HERC6: variants seen among roughly 807,000 people sequenced by gnomAD.
The protein encoded by HERC6 is probable E3 ubiquitin-protein ligase HERC6.
A neutral mutation model predicts 114.5 loss-of-function variants in HERC6; 101 were observed. The observed-to-expected ratio is 0.88, with a 90% CI of 0.75 to 1.04. HERC6 has a LOEUF of 1.04. Among genes scored for constraint, HERC6 ranks in the 50% least tolerant of loss-of-function variants. The pLI, the probability that HERC6 is intolerant of heterozygous loss-of-function variation, is 0.00. For missense variants in HERC6, 1,133 were observed against 1,230.9 expected (o/e 0.92, Z 1.19); for synonymous variants, 408 against 436.2 (o/e 0.94, Z 0.81).
intron 17 of HERC6, among the ~76,000 whole-genome samples, chr4:88,434,255 G>A (rs1311078427): frequency 6.6e-6 from 1 of 152,214 alleles, no homozygotes; most frequent in Non-Finnish European, 1.5e-5. Flanking sequence ...GTGTCATTTA[G>A]CCTCTCTGAG....
chr4:88,390,667 C>G lies in HERC6; in HGVS notation c.452C>G (p.Ser151Trp), dbSNP rs1434554720. 3 of 1,602,166 alleles carry G rather than the reference C, an allele frequency of 1.9e-6. No homozygotes were observed. The South Asian group carries it at 3.3e-5, about 18-fold the overall frequency. ...LALSKDSQVF[S>W]WGKNSHGQLG... ...TTTGTTGTAGATAGCCAAGTGTTTT[C>G]GTGGGGAAAGAACAGCCATGGGCAG... is the stretch of plus-strand genomic sequence containing the variant. Residue 151 changes from serine to tryptophan, a missense_variant, in exon 4 of 23, where the codon TCG becomes TGG. Physicochemically the swap from Ser to Trp is radical, Grantham distance 177. Around this residue, in one of 3 missense-constraint regions of HERC6, gnomAD observed 735 missense variants for 754.0 expected, o/e 0.97. Coordinates refer to ENST00000264346, the MANE Select transcript of HERC6 (RefSeq NM_017912.4).
chr4:88,440,062 G>T lies in HERC6; in HGVS notation c.2739+5G>T. 1 of 1,609,530 alleles carries T rather than the reference G, an allele frequency of 6.2e-7. No homozygotes were observed. The highest frequency in any genetic ancestry group is 8.5e-7 in the Non-Finnish European group (1 of 1,178,320). On this transcript the variant is annotated splice_donor_5th_base_variant and intron_variant, in intron 21 of 22. Coordinates refer to ENST00000264346, the MANE Select transcript of HERC6 (RefSeq NM_017912.4). Reference sequence around the variant, plus strand: ...GACTGGAAACAGTTTGAACAGGTAGGTGATACCTAAAGTGCCCCAATTTTT... The same window carrying T: ...GACTGGAAACAGTTTGAACAGGTAGTTGATACCTAAAGTGCCCCAATTTTT...
chr4:88,390,925 A>C, intron 4 of HERC6, 46 bp downstream of exon 4: 1 of 1,510,764 alleles, frequency 6.6e-7, no homozygotes, highest in East Asian at 2.4e-5. Flanking sequence ...CTTTCTTTCC[A>C]GGTGGAAGAC....
chr4:88,430,989 G>A (rs1421637638), intron 16 of HERC6, among the ~76,000 whole-genome samples, 173 bp from the exon 17 acceptor site: 1 of 152,202 alleles, frequency 6.6e-6, no homozygotes, highest in Non-Finnish European at 1.5e-5. Flanking sequence ...TAGATTCATG[G>A]CCTTCACTGC....
Position 88,413,106 on chromosome 4 carries a change from C to A in HERC6, c.1398C>A (p.Leu466=), listed in dbSNP as rs781585858. 1.2e-6 allele frequency: 2 copies of A among 1,612,836 alleles called. No homozygotes were observed. Among genetic ancestry groups the A allele is most frequent in the South Asian group, 2.2e-5 (2 of 90,964 alleles). Residue 466 remains leucine, a synonymous_variant, in exon 12 of 23, where the codon CTC becomes CTA. Coordinates refer to ENST00000264346, the MANE Select transcript of HERC6 (RefSeq NM_017912.4). ...MITTCLEDDL[L]RALPCHSPHQ... ...CTACGTGTCTCGAGGATGATCTGCTCAGAGCTCTTCCATGCCATTCTCCAC... is the reference window on the plus strand; with the variant it reads ...CTACGTGTCTCGAGGATGATCTGCTAAGAGCTCTTCCATGCCATTCTCCAC...
rs1207279452 is a variant in HERC6, at chr4:88,379,126, C to CG, written c.199+12dup. On this transcript the variant is annotated splice_region_variant and intron_variant, in intron 1 of 22. Coordinates refer to ENST00000264346, the MANE Select transcript of HERC6 (RefSeq NM_017912.4). ...GCAGCGCGGGGAGCTGCCAGGTGAG[C>CG]GGGGGGCCCCAGGTGCAGGGTGTGA... 8.5e-6 allele frequency: 13 copies of CG among 1,536,226 alleles called. No individual in the cohort carries two copies. Among genetic ancestry groups the CG allele is most frequent in the Non-Finnish European group, 9.6e-6 (11 of 1,143,968 alleles).
intron 3 of HERC6, among the ~76,000 whole-genome samples, 185 bp downstream of exon 3, chr4:88,385,760 C>G (rs1734542829): frequency 6.6e-6 from 1 of 152,074 alleles, no homozygotes. Context: ...TAAACAGTGC[C>G]TAATTCATAG....
chr4:88,432,436 A>G (rs1738318182), intron 17 of HERC6, among the ~76,000 whole-genome samples: 1 of 151,674 alleles, frequency 6.6e-6, no homozygotes, highest in East Asian at 1.9e-4. Flanking sequence ...CAGGTGATTC[A>G]TGGCCAGGTG....
chr4:88,427,630 AT>A (rs1309480482), intron 15 of HERC6, among the ~76,000 whole-genome samples: 1 of 152,198 alleles, frequency 6.6e-6, no homozygotes, highest in African/African-American at 2.4e-5. Flanking sequence ...CAGGGCAGGG[AT>A]TTCCCAACCC....
In HERC6 at chr4:88,404,869, C is replaced by T. The variant is rs77417092; in HGVS notation, c.1093-7C>T. ...CCTGATCATTCTTGTTTCTTCCTTC[C>T]CTGAAGGATACTAGTTCCACACGTG... On this transcript the variant is annotated splice_polypyrimidine_tract_variant and splice_region_variant and intron_variant, in intron 8 of 22. Transcript: ENST00000264346. 6.2e-7 allele frequency: 1 copy of T among 1,612,760 alleles called. No homozygotes were observed. Among genetic ancestry groups the T allele is most frequent in the Admixed American group, 1.7e-5 (1 of 59,936 alleles).
intron 4 of HERC6, among the ~76,000 whole-genome samples, chr4:88,392,002 C>T (rs1215642811): frequency 1.6e-5 from 1 of 61,410 alleles, no homozygotes; most frequent in African/African-American, 6.8e-5. Flanking sequence ...CCCCTTCTCC[C>T]TCCCCTCCCC....
chr4:88,440,475 C>T, intron 22 of HERC6: 1 of 448,522 alleles, frequency 2.2e-6, no homozygotes, highest in South Asian at 4.4e-5. Context: ...AGAGAGGGGT[C>T]CCAGAAAAAT....
intron 1 of HERC6, among the ~76,000 whole-genome samples, chr4:88,381,848 G>T (rs757188454): frequency 2.0e-5 from 3 of 151,974 alleles, no homozygotes; most frequent in Non-Finnish European, 4.4e-5. Context: ...GAGCCACTGC[G>T]CCCGGCTGAC....
At chr4:88,386,199 C>CTTTTTTT (rs1262540915) in intron 3 of HERC6, among the ~76,000 whole-genome samples, 9 of 131,940 alleles carry the variant, frequency 6.8e-5, no homozygotes, top group East Asian at 4.3e-4. Context: ...TTTTTCTTTT[C>CTTTTTTT]TTTTTTTTTT....
At position 88,405,624 on chromosome 4, in the gene HERC6, C is replaced by T; in HGVS notation, c.1274+11C>T. 2 of 1,381,152 alleles carry T rather than the reference C, an allele frequency of 1.4e-6. No homozygotes were observed. Among genetic ancestry groups the T allele is most frequent in the Non-Finnish European group, 2.0e-6 (2 of 999,946 alleles). The allele number at this position is 1,381,152 out of a possible 1,614,324, so 85.6% of individuals were successfully genotyped here. A position where few individuals can be genotyped will look rare whatever the true frequency, so the allele number is the denominator to read the frequency against. On this transcript the variant is annotated intron_variant, in intron 10 of 22. Coordinates refer to ENST00000264346, the MANE Select transcript of HERC6 (RefSeq NM_017912.4). ...TTTTTTAAAGAAAAGGTAATACTTA[C>T]ATAAGATTTACCTTCATTTAAAACA...
chr4:88,404,785 T>G (rs1348373808), intron 8 of HERC6, 91 bp from the exon 9 acceptor site: 4 of 1,485,698 alleles, frequency 2.7e-6, no homozygotes. Flanking sequence ...GGGCAGGGCC[T>G]ATTTACCACC....
intron 14 of HERC6, 93 bp downstream of exon 14, chr4:88,424,066 G>A (rs1419748800): frequency 3.2e-6 from 2 of 623,198 alleles, no homozygotes; most frequent in Non-Finnish European, 5.3e-6. Context: ...GATAAATCAG[G>A]ATTTGAAAAT....
Position 88,406,851 on chromosome 4 carries a change from A to G in HERC6, c.1274+1238A>G, listed in dbSNP as rs865904485. ...CGGCTCACTGCAACCTCCACCCCCA[A>G]GTTCAAGCTATTCTCCTGCCTCAGC... On this transcript the variant is annotated intron_variant, in intron 10 of 22. Transcript: ENST00000264346. 5.3e-5 allele frequency among the ~76,000 whole-genome samples: 8 copies of G among 151,548 alleles called. No individual in the cohort carries two copies. The South Asian group carries it at 1.3e-3, about 24-fold the overall frequency.
intron 3 of HERC6, 29 bp from the exon 4 acceptor site, chr4:88,390,623 C>A: frequency 1.3e-6 from 2 of 1,555,982 alleles, no homozygotes; most frequent in Non-Finnish European, 1.8e-6. Flanking sequence ...AATATGTGTA[C>A]AATTCTTAAT....
Sources: gnomAD v4.1 joint callset for allele counts (sites outside exome capture counted in the v4.1 genomes callset) on GRCh38, gnomAD v4.1.1 for gene constraint, gnomAD v4.1.1 regional missense constraint, MANE v1.5 for transcripts, NCBI Gene and HGNC (gene_info 2026-07-23, HGNC 2026-07-21) for gene names.